ST3GAL3: variants seen among roughly 807,000 people sequenced by gnomAD.
ST3GAL3 encodes the protein CMP-N-acetylneuraminate-beta-1,4-galactoside alpha-2,3-sialyltransferase.
Under a neutral mutation model 50.1 loss-of-function variants are expected in ST3GAL3, and 21 were observed. That is an observed-to-expected ratio of 0.42 (90% confidence interval 0.30 to 0.60). ST3GAL3 has a LOEUF of 0.60. Among genes scored for constraint, ST3GAL3 ranks in the 20% least tolerant of loss-of-function variants. ST3GAL3 has a pLI of 0.19. For missense variants in ST3GAL3, 353 were observed against 489.4 expected (o/e 0.72, Z 2.63); for synonymous variants, 183 against 190.0 (o/e 0.96, Z 0.30).
intron 2 of ST3GAL3, among the ~76,000 whole-genome samples, chr1:43,779,448 T>C (rs1485692337): frequency 6.6e-6 from 1 of 152,204 alleles, no homozygotes; most frequent in Non-Finnish European, 1.5e-5. Context: ...AAAAAGCACT[T>C]CCTCATTATC....
chr1:43,778,960 C>T (rs1243123845), intron 2 of ST3GAL3, among the ~76,000 whole-genome samples: 2 of 133,446 alleles, frequency 1.5e-5, no homozygotes, highest in Non-Finnish European at 3.2e-5. Flanking sequence ...CTTTTTTTTT[C>T]AGACAGAGTT....
At chr1:43,746,759 G>A (rs1398415279) in intron 2 of ST3GAL3, among the ~76,000 whole-genome samples, 1 of 149,434 alleles carries the variant, frequency 6.7e-6, no homozygotes, top group African/African-American at 2.5e-5. Flanking sequence ...ACTGCGCCTG[G>A]CCTAGTTTTT....
intron 1 of ST3GAL3, among the ~76,000 whole-genome samples, chr1:43,717,705 G>A (rs1259193993): frequency 6.6e-6 from 1 of 151,440 alleles, no homozygotes; most frequent in Admixed American, 6.6e-5. Context: ...ATGGGGTTTT[G>A]CCATGTTGCC....
chr1:43,868,965 T>C (rs897755264), intron 5 of ST3GAL3, among the ~76,000 whole-genome samples: 1 of 152,150 alleles, frequency 6.6e-6, no homozygotes, highest in African/African-American at 2.4e-5. Flanking sequence ...ATGCTAGCAC[T>C]GAGCAGCTGA....
At chr1:43,721,034 C>T (rs1323510954) in intron 1 of ST3GAL3, among the ~76,000 whole-genome samples, 3 of 151,970 alleles carry the variant, frequency 2.0e-5, no homozygotes, top group Non-Finnish European at 4.4e-5. Flanking sequence ...TTGCTTGAGG[C>T]CAGGAGTTCA....
intron 5 of ST3GAL3, among the ~76,000 whole-genome samples, chr1:43,873,036 A>G (rs2073328964): frequency 6.6e-6 from 1 of 152,158 alleles, no homozygotes; most frequent in Admixed American, 6.5e-5. Flanking sequence ...TAAGAAAGAG[A>G]AATCTGAATC....
At chr1:43,849,222 G>T (rs1294509099) in intron 5 of ST3GAL3, among the ~76,000 whole-genome samples, 1 of 148,954 alleles carries the variant, frequency 6.7e-6, no homozygotes, top group Non-Finnish European at 1.5e-5. Flanking sequence ...TAGGAATGAG[G>T]TTGAGATCTA....
rs565731800 is a variant in ST3GAL3, at chr1:43,891,061, A to T, written c.303-3322A>T. On this transcript the variant is annotated intron_variant, in intron 5 of 11. Coordinates refer to ENST00000347631, the MANE Select transcript of ST3GAL3 (RefSeq NM_006279.5). ...AGCTTCCCTAGCTACTCTGATGGTG[A>T]TCTGTAAATACCATTACCAATTAAA... Among the ~76,000 whole-genome samples the T allele has an allele frequency of 5.9e-5, 9 of 152,354 alleles. No homozygotes were observed. The East Asian group carries it at 1.7e-3, about 29-fold the overall frequency.
intron 5 of ST3GAL3, among the ~76,000 whole-genome samples, chr1:43,877,443 A>G (rs559506422): frequency 5.6e-5 from 8 of 142,840 alleles, no homozygotes; most frequent in Non-Finnish European, 1.0e-4. Flanking sequence ...GAGATAGCAA[A>G]CAAGCAGATA....
intron 2 of ST3GAL3, chr1:43,743,450 G>C: frequency 2.7e-6 from 1 of 364,954 alleles, no homozygotes; most frequent in Non-Finnish European, 5.4e-6. Flanking sequence ...GAAATGCCAA[G>C]AGAGGTGTCA....
intron 5 of ST3GAL3, among the ~76,000 whole-genome samples, chr1:43,844,274 T>C (rs1400514636): frequency 6.6e-6 from 1 of 152,124 alleles, no homozygotes; most frequent in East Asian, 1.9e-4. Flanking sequence ...TCAGCCCTTT[T>C]CCCATCCCCG....
chr1:43,722,548 G>A (rs1445927015), intron 1 of ST3GAL3, among the ~76,000 whole-genome samples: 1 of 152,198 alleles, frequency 6.6e-6, no homozygotes, highest in Non-Finnish European at 1.5e-5. Flanking sequence ...ATGGATGTAG[G>A]AGGCTTACTA....
chr1:43,732,318 T>G (rs1377363144), intron 1 of ST3GAL3, among the ~76,000 whole-genome samples: 1 of 152,220 alleles, frequency 6.6e-6, no homozygotes, highest in African/African-American at 2.4e-5. Flanking sequence ...TGAGGGCCAA[T>G]GTTGGGAGGA....
chr1:43,832,473 T>C, intron 4 of ST3GAL3, among the ~76,000 whole-genome samples: 1 of 152,188 alleles, frequency 6.6e-6, no homozygotes. Flanking sequence ...TAGAGAAACC[T>C]GAGTCTACAT....
At chr1:43,719,235 T>A (rs915942686) in intron 1 of ST3GAL3, 1 of 152,154 alleles carries the variant, frequency 6.6e-6, no homozygotes, top group African/African-American at 2.4e-5. Context: ...GATTGGCTAA[T>A]AAGAAGTAAA....
At chr1:43,773,297 C>T (rs1696004157) in intron 2 of ST3GAL3, among the ~76,000 whole-genome samples, 1 of 152,102 alleles carries the variant, frequency 6.6e-6, no homozygotes, top group Admixed American at 6.6e-5. Flanking sequence ...TTTCTAAAGA[C>T]CAGAAGGATA....
chr1:43,742,071 G>C (rs1316723867), intron 2 of ST3GAL3, among the ~76,000 whole-genome samples: 1 of 152,118 alleles, frequency 6.6e-6, no homozygotes, highest in Non-Finnish European at 1.5e-5. Context: ...TATACATGGG[G>C]TGAAGCCACC....
chr1:43,772,512 A>AT (rs945309637), intron 2 of ST3GAL3: 6 of 152,088 alleles, frequency 3.9e-5, no homozygotes, highest in South Asian at 2.1e-4. Flanking sequence ...TATTGCAGTG[A>AT]TTTTTTTTGG....
chr1:43,734,705 T>G (rs767274471), intron 1 of ST3GAL3, among the ~76,000 whole-genome samples: 2 of 152,210 alleles, frequency 1.3e-5, no homozygotes, highest in Admixed American at 6.5e-5. Flanking sequence ...CCTACTTTAT[T>G]GAACTTCCTA....
Sources: allele counts gnomAD v4.1 joint callset (sites outside exome capture counted in the v4.1 genomes callset), GRCh38; gene constraint gnomAD v4.1.1; transcripts MANE v1.5; gene names NCBI Gene and HGNC (gene_info 2026-07-23, HGNC 2026-07-21).